Variants in COL4A6 observed in about 807,000 individuals in gnomAD.
COL4A6 encodes collagen alpha-6(IV) chain.
Under a neutral mutation model 126.7 loss-of-function variants are expected in COL4A6, and 59 were observed. That is an observed-to-expected ratio of 0.47 (90% confidence interval 0.38 to 0.58). COL4A6 has a LOEUF of 0.58. Among genes scored for constraint, COL4A6 ranks in the 20% least tolerant of loss-of-function variants. The pLI, the probability that COL4A6 is intolerant of heterozygous loss-of-function variation, is 0.00. For missense variants in COL4A6, 1,285 were observed against 1,337.3 expected, an observed-to-expected ratio of 0.96 and a Z score of 0.61; for synonymous variants, 547 against 496.6, an observed-to-expected ratio of 1.10 and a Z score of -1.35.
chrX:108,175,232 C>G lies in COL4A6; in HGVS notation c.2831-17G>C, dbSNP rs756218486. The G allele has an allele frequency of 8.6e-7, 1 of 1,160,447 alleles. No individual in the cohort carries two copies. Among genetic ancestry groups the G allele is most frequent in the Non-Finnish European group, 1.1e-6 (1 of 872,363 alleles). ...CTCTGTCTCCTGCAGGGATGGAGAT[C>G]AGCATGAGAAAGAGAGCTTAGACGC... On this transcript the variant is annotated splice_polypyrimidine_tract_variant and intron_variant, in intron 29 of 44. Coordinates refer to ENST00000334504, the MANE Select transcript of COL4A6 (RefSeq NM_033641.4).
chrX:108,160,049 A>G (rs2033871949), intron 43 of COL4A6, among the ~76,000 whole-genome samples: 1 of 112,656 alleles, frequency 8.9e-6, no homozygotes, highest in African/African-American at 3.2e-5. Flanking sequence ...ACACCTGCAG[A>G]CAACAATTAA....
rs755750959 is a variant in COL4A6 at position 108,193,706 on chromosome X, AT to A, written c.1003-10del. 2.1e-5 allele frequency: 25 copies of A among 1,175,206 alleles called. No individual in the cohort carries two copies. In the African/African-American group the frequency reaches 4.1e-4, roughly 19 times the overall value. ...ATGTCACCCTTTTGACCCTGCAAAG[AT>A]TAAGTACATTAAACACAAATATTTC... On this transcript the variant is annotated splice_polypyrimidine_tract_variant and intron_variant, in intron 16 of 44. Transcript: ENST00000334504.
chrX:108,197,812 G>A (rs775940034), intron 13 of COL4A6, among the ~76,000 whole-genome samples: 1 of 68,021 alleles, frequency 1.5e-5, no homozygotes, highest in South Asian at 9.0e-4. Flanking sequence ...TGTGTGTGTA[G>A]GATCCAATTC....
intron 44 of COL4A6, among the ~76,000 whole-genome samples, chrX:108,158,808 A>C (rs2033821286): frequency 9.0e-6 from 1 of 111,715 alleles, no homozygotes; most frequent in Admixed American, 9.5e-5. Flanking sequence ...GGATGTCCTG[A>C]CCCTAAACCT....
chrX:108,317,037 T>C (rs2038896284), intron 2 of COL4A6, among the ~76,000 whole-genome samples: 1 of 112,549 alleles, frequency 8.9e-6, no homozygotes, highest in Admixed American at 9.4e-5. Context: ...ATGTGAACTG[T>C]AGTGGGGCAA....
chrX:108,314,928 A>T (rs747164949), intron 2 of COL4A6, among the ~76,000 whole-genome samples: 27 of 111,780 alleles, frequency 2.4e-4, no homozygotes, highest in Non-Finnish European at 5.1e-4. Flanking sequence ...GCTATACTAG[A>T]CTACTCAGCA....
intron 3 of COL4A6, among the ~76,000 whole-genome samples, chrX:108,242,993 C>T (rs1450331854): frequency 9.0e-6 from 1 of 111,574 alleles, no homozygotes; most frequent in African/African-American, 3.3e-5. Flanking sequence ...ATGCTAGATA[C>T]TCTCAATCAG....
intron 3 of COL4A6, among the ~76,000 whole-genome samples, chrX:108,286,856 C>T (rs887642778): frequency 4.5e-5 from 5 of 111,808 alleles, no homozygotes; most frequent in African/African-American, 9.8e-5. Context: ...AAGGTGTGAG[C>T]GATCATGTCT....
In COL4A6 at chrX:108,157,155, C is replaced by T. The variant is rs769120116; in HGVS notation, c.4918G>A (p.Gly1640Ser). 14 of 1,211,793 alleles carry T rather than the reference C, an allele frequency of 1.2e-5. No homozygotes were observed. In the South Asian group the frequency reaches 1.9e-4, roughly 17 times the overall value. Residue 1640 changes from glycine (G) to serine (S), a missense_variant, in exon 45 of 45, where the codon GGC becomes AGC. By Grantham distance (56) the Gly-to-Ser change is moderately conservative (BLOSUM62 0). Transcript: ENST00000334504. Reference protein sequence around the residue: ...TPFIECSGARGTCHYFANKYS... With the variant: ...TPFIECSGARSTCHYFANKYS... Reference sequence around the variant, plus strand: ...TTGTTTGCAAAGTAGTGGCAGGTGCCTCGGGCACCACTGCATTCGATGAAA... The same window carrying T: ...TTGTTTGCAAAGTAGTGGCAGGTGCTTCGGGCACCACTGCATTCGATGAAA...
chrX:108,192,327 G>A, intron 18 of COL4A6, 146 bp downstream of exon 18: 1 of 422,984 alleles, frequency 2.4e-6, no homozygotes, highest in Non-Finnish European at 4.2e-6. Flanking sequence ...GCCTTGGGCT[G>A]GCAGTCGGGA....
chrX:108,393,133 G>C (rs1257846180), intron 2 of COL4A6, among the ~76,000 whole-genome samples: 1 of 111,235 alleles, frequency 9.0e-6, no homozygotes, highest in Non-Finnish European at 1.9e-5. Flanking sequence ...TCACATCTAG[G>C]TATATACTCA....
Position 108,169,606 on chromosome X carries a change from C to T in COL4A6, c.3580G>A (p.Gly1194Ser), listed in dbSNP as rs779915691. The T allele has an allele frequency of 5.6e-5, 68 of 1,208,177 alleles. No homozygotes were observed. The highest frequency in any genetic ancestry group is 7.1e-5 in the South Asian group (4 of 56,253). Residue 1194 changes from glycine to serine, a missense_variant, in exon 37 of 45, where the codon GGT (glycine) becomes AGT (serine). By Grantham distance (56) the Gly-to-Ser change is moderately conservative. Coordinates refer to ENST00000334504, the MANE Select transcript of COL4A6 (RefSeq NM_033641.4). The part of the protein sequence containing the change: ...THGTPGPSIT[G>S]VPGPAGLPGP... ...GGGAGACCAGCAGGCCCAGGCACACCGGTGATACTAGGTCCTAGGAGGAGA... is the reference window on the plus strand; with the variant it reads ...GGGAGACCAGCAGGCCCAGGCACACTGGTGATACTAGGTCCTAGGAGGAGA...
intron 2 of COL4A6, among the ~76,000 whole-genome samples, chrX:108,350,972 G>A (rs952964140): frequency 1.8e-5 from 2 of 111,044 alleles, no homozygotes; most frequent in East Asian, 2.8e-4. Context: ...TTTTGCTTAC[G>A]CTATAGAGCC....
At chrX:108,385,040 T>C (rs2040653263) in intron 2 of COL4A6, among the ~76,000 whole-genome samples, 1 of 110,726 alleles carries the variant, frequency 9.0e-6, no homozygotes, top group African/African-American at 3.3e-5. Flanking sequence ...AAGACCCCAG[T>C]TGGATGCCTG....
chrX:108,265,359 C>T (rs1569392852), intron 3 of COL4A6, among the ~76,000 whole-genome samples: 1 of 99,535 alleles, frequency 1.0e-5, no homozygotes, highest in Non-Finnish European at 2.0e-5. Flanking sequence ...GACTAAAAGA[C>T]TATTAATTCA....
intron 25 of COL4A6, among the ~76,000 whole-genome samples, chrX:108,179,697 C>T (rs1003151447): frequency 2.8e-5 from 3 of 108,683 alleles, no homozygotes; most frequent in African/African-American, 1.0e-4. Flanking sequence ...GAGGGTCCTA[C>T]AGTTGTTGAA....
chrX:108,213,876 A>C (rs1352289895), intron 6 of COL4A6: 3 of 341,603 alleles, frequency 8.8e-6, no homozygotes, highest in African/African-American at 8.2e-5. Flanking sequence ...CAATTTCACA[A>C]GCTGCATTAA....
intron 3 of COL4A6, among the ~76,000 whole-genome samples, chrX:108,307,128 A>C (rs190784151): frequency 1.8e-5 from 2 of 111,193 alleles, no homozygotes; most frequent in African/African-American, 3.3e-5. Context: ...ATACCAGGGA[A>C]GAGAACAACC....
chrX:108,408,466 G>T (rs1274441906), intron 2 of COL4A6, among the ~76,000 whole-genome samples: 1 of 111,195 alleles, frequency 9.0e-6, no homozygotes. Flanking sequence ...TTATTAAAAC[G>T]ACAAAAAATC....
Sources: gnomAD v4.1 joint callset for allele counts (sites outside exome capture counted in the v4.1 genomes callset) on GRCh38, gnomAD v4.1.1 for gene constraint, MANE v1.5 for transcripts, NCBI Gene and HGNC (gene_info 2026-07-23, HGNC 2026-07-21) for gene names.